The following REC114 variants were observed in gnomAD, a reference collection of about 807,000 sequenced individuals.
REC114 encodes the protein REC114 meiotic recombination protein, also known as meiotic recombination protein REC114.
In REC114, 27 loss-of-function variants were observed where a neutral mutation model predicts 31.3. The ratio of observed to expected loss-of-function variants is 0.86; its 90% CI spans 0.64 to 1.19. The LOEUF is 1.19. Ranked by LOEUF, REC114 falls within the 50% of genes most tolerant of loss-of-function variation. The pLI is 0.00. For synonymous variants in REC114, 134 were observed against 127.7 expected, an observed-to-expected ratio of 1.05 and a Z score of -0.33; for missense variants, 344 against 326.9, an observed-to-expected ratio of 1.05 and a Z score of -0.40.
intron 1 of REC114, among the ~76,000 whole-genome samples, chr15:73,466,014 G>A (rs1893052275): frequency 6.6e-6 from 1 of 151,606 alleles, no homozygotes; most frequent in Non-Finnish European, 1.5e-5. Context: ...ACCACGCCTG[G>A]CTAATTTTTT....
chr15:73,476,545 A>G (rs1893217782), intron 2 of REC114, among the ~76,000 whole-genome samples: 1 of 152,206 alleles, frequency 6.6e-6, no homozygotes, highest in Non-Finnish European at 1.5e-5. Context: ...GTATATATAC[A>G]TTGTAAAATG....
At chr15:73,553,554 C>A (rs764397076) in intron 4 of REC114, among the ~76,000 whole-genome samples, 1 of 152,192 alleles carries the variant, frequency 6.6e-6, no homozygotes, top group African/African-American at 2.4e-5. Flanking sequence ...GGAACTCAGT[C>A]TGGAGTTCCT....
chr15:73,556,516 T>TA, intron 5 of REC114, 125 bp downstream of exon 5: 2 of 809,898 alleles, frequency 2.5e-6, no homozygotes, highest in Non-Finnish European at 3.8e-6. Flanking sequence ...TAAAAGGTGA[T>TA]AGAGACAGAG....
chr15:73,497,983 T>C (rs1191574006), intron 2 of REC114, among the ~76,000 whole-genome samples: 1 of 152,188 alleles, frequency 6.6e-6, no homozygotes, highest in African/African-American at 2.4e-5. Flanking sequence ...TTTTGAAAAT[T>C]CCCTTGTTTC....
At chr15:73,454,330 A>C (rs1892889502) in intron 1 of REC114, among the ~76,000 whole-genome samples, 1 of 152,140 alleles carries the variant, frequency 6.6e-6, no homozygotes, top group African/African-American at 2.4e-5. Flanking sequence ...CAGCAGTGTG[A>C]ACGTCCTTAA....
intron 1 of REC114, among the ~76,000 whole-genome samples, chr15:73,464,932 C>A (rs1350012052): frequency 6.6e-6 from 1 of 152,074 alleles, no homozygotes; most frequent in South Asian, 2.1e-4. Context: ...CACTGTGTTG[C>A]CCAGTCTGGA....
intron 2 of REC114, among the ~76,000 whole-genome samples, chr15:73,477,274 T>G (rs1334361706): frequency 6.6e-6 from 1 of 152,246 alleles, no homozygotes; most frequent in Non-Finnish European, 1.5e-5. Context: ...TCTTCAAATA[T>G]TTCTACCAGT....
intron 1 of REC114, among the ~76,000 whole-genome samples, chr15:73,459,397 A>G (rs1192616822): frequency 6.6e-6 from 1 of 151,680 alleles, no homozygotes; most frequent in African/African-American, 2.4e-5. Flanking sequence ...CGCCCGGCTA[A>G]TTTTTGTGTT....
intron 2 of REC114, among the ~76,000 whole-genome samples, chr15:73,497,674 A>T (rs1357639019): frequency 6.6e-6 from 1 of 152,228 alleles, no homozygotes; most frequent in Non-Finnish European, 1.5e-5. Flanking sequence ...TGTGATACAT[A>T]TAGTAATATT....
At position 73,477,437 on chromosome 15, in the gene REC114, G is replaced by A. The variant is rs956489923; in HGVS notation, c.249+3516G>A. Among the ~76,000 whole-genome samples the A allele has an allele frequency of 2.6e-5, 4 of 151,952 alleles. No homozygotes were observed. In the East Asian group the frequency reaches 7.7e-4, roughly 29 times the overall value. ...AAGATTGCAAAGTCATTTTTTTTGA[G>A]TCAGGATCTTGCCCTGTTACCTAGG... On this transcript the variant is annotated intron_variant, in intron 2 of 5. Transcript: ENST00000331090.
intron 1 of REC114, among the ~76,000 whole-genome samples, chr15:73,461,076 GAA>G (rs1037164534): frequency 1.3e-5 from 2 of 151,896 alleles, no homozygotes; most frequent in African/African-American, 4.8e-5. Flanking sequence ...CATTGTAAAA[GAA>G]AAAGTTCTCT....
At chr15:73,481,175 T>G (rs1040244865) in intron 2 of REC114, among the ~76,000 whole-genome samples, 1 of 152,222 alleles carries the variant, frequency 6.6e-6, no homozygotes, top group Admixed American at 6.5e-5. Flanking sequence ...GATATGTTTA[T>G]GTAAAACTCA....
At chr15:73,475,799 T>C (rs958095936) in intron 2 of REC114, among the ~76,000 whole-genome samples, 4 of 152,228 alleles carry the variant, frequency 2.6e-5, no homozygotes, top group African/African-American at 9.6e-5. Context: ...ACAGTGTTTA[T>C]AAAGTCTACA....
chr15:73,459,522 G>A (rs1443733526), intron 1 of REC114, among the ~76,000 whole-genome samples: 4 of 152,074 alleles, frequency 2.6e-5, no homozygotes, highest in Non-Finnish European at 5.9e-5. Context: ...ATGAGCCACC[G>A]CGCCCGGCCC....
intron 2 of REC114, among the ~76,000 whole-genome samples, chr15:73,534,991 A>G (rs1462749787): frequency 1.4e-5 from 2 of 142,976 alleles, no homozygotes; most frequent in Middle Eastern, 3.4e-3. Context: ...CCTTCATGCT[A>G]AAAACTCTCA....
At chr15:73,492,808 T>C (rs557101782) in intron 2 of REC114, among the ~76,000 whole-genome samples, 1 of 152,226 alleles carries the variant, frequency 6.6e-6, no homozygotes, top group African/African-American at 2.4e-5. Context: ...ATTCCTGATA[T>C]TTTCTTTTTA....
rs1455625654 is a variant in REC114, at chr15:73,559,806, G to A, written c.691G>A (p.Ala231Thr). ...PHVYEQSAWG[A>T]EELGPFLRLC... ...TGTCTATGAACAATCTGCATGGGGT[G>A]CAGAAGAGTTAGGCCCCTTCCTACG... The change falls in exon 6 of 6, where the codon GCA (alanine) becomes ACA (threonine). Residue 231 changes from alanine to threonine, a missense_variant. Physicochemically the swap from Ala to Thr is moderately conservative, Grantham distance 58. Transcript: ENST00000331090. The A allele has an allele frequency of 8.7e-6, 14 of 1,612,556 alleles. No individual in the cohort carries two copies. The highest frequency in any genetic ancestry group is 1.2e-5 in the Non-Finnish European group (14 of 1,179,382).
At chr15:73,521,132 C>T (rs1893930740) in intron 2 of REC114, among the ~76,000 whole-genome samples, 1 of 152,080 alleles carries the variant, frequency 6.6e-6, no homozygotes, top group Non-Finnish European at 1.5e-5. Flanking sequence ...TTTATTTTAG[C>T]ATTAAAAATA....
intron 2 of REC114, among the ~76,000 whole-genome samples, chr15:73,486,785 C>T (rs1193461430): frequency 6.6e-6 from 1 of 152,078 alleles, no homozygotes; most frequent in Admixed American, 6.5e-5. Context: ...GCCTGTAATC[C>T]CAGCACTTTG....
Sources: allele counts gnomAD v4.1 joint callset (sites outside exome capture counted in the v4.1 genomes callset), GRCh38; gene constraint gnomAD v4.1.1; transcripts MANE v1.5; gene names NCBI Gene and HGNC (gene_info 2026-07-23, HGNC 2026-07-21).